Variants in ESYT2 observed in about 807,000 individuals in gnomAD.
ESYT2 encodes the protein extended synaptotagmin-2.
Under a neutral mutation model 107.2 loss-of-function variants are expected in ESYT2, and 54 were observed. The observed-to-expected ratio is 0.50, with a 90% CI of 0.40 to 0.63. The LOEUF (loss-of-function observed/expected upper bound fraction) is 0.63. Among genes scored for constraint, ESYT2 ranks in the 30% least tolerant of loss-of-function variants. ESYT2 has a pLI of 0.00. For synonymous variants in ESYT2, 491 were observed against 434.1 expected (o/e 1.13, Z -1.63); for missense variants, 1,020 against 1,094.5 (o/e 0.93, Z 0.96).
intron 16 of ESYT2, among the ~76,000 whole-genome samples, chr7:158,747,704 C>T (rs1460350972): frequency 6.6e-6 from 1 of 152,088 alleles, no homozygotes; most frequent in Non-Finnish European, 1.5e-5. Context: ...GCATTTTACC[C>T]AACAGAATGA....
intron 5 of ESYT2, 44 bp from the exon 6 acceptor site, chr7:158,788,137 T>A: frequency 1.3e-6 from 2 of 1,521,310 alleles, no homozygotes. Context: ...GAAAACATTC[T>A]GCAGGGCCGC....
intron 10 of ESYT2, 88 bp downstream of exon 10, chr7:158,762,995 C>T: frequency 2.3e-6 from 2 of 859,282 alleles, no homozygotes; most frequent in Non-Finnish European, 3.6e-6. Context: ...AACAAGTATA[C>T]AAATGTATTT....
intron 3 of ESYT2, among the ~76,000 whole-genome samples, chr7:158,797,565 G>A (rs1454622840): frequency 6.6e-6 from 1 of 152,084 alleles, no homozygotes; most frequent in Non-Finnish European, 1.5e-5. Flanking sequence ...AAAAGAAAAT[G>A]TGTTTTTCGG....
At chr7:158,766,750 G>C (rs1838177231) in intron 8 of ESYT2, among the ~76,000 whole-genome samples, 1 of 152,178 alleles carries the variant, frequency 6.6e-6, no homozygotes, top group African/African-American at 2.4e-5. Flanking sequence ...TCCTGTTTCA[G>C]TAAATATAAA....
chr7:158,802,082 T>G (rs758385289), intron 1 of ESYT2, among the ~76,000 whole-genome samples: 1 of 152,160 alleles, frequency 6.6e-6, no homozygotes, highest in Non-Finnish European at 1.5e-5. Flanking sequence ...AGGATGGAAT[T>G]GACATAACTG....
intron 1 of ESYT2, among the ~76,000 whole-genome samples, chr7:158,828,581 G>A (rs1376321010): frequency 6.6e-6 from 1 of 152,166 alleles, no homozygotes; most frequent in Non-Finnish European, 1.5e-5. Flanking sequence ...GCGAGGGGAG[G>A]CTTCACGAGG....
At chr7:158,826,021 GAA>G (rs34601173) in intron 1 of ESYT2, among the ~76,000 whole-genome samples, 1 of 120,016 alleles carries the variant, frequency 8.3e-6, no homozygotes, top group Non-Finnish European at 1.7e-5. Flanking sequence ...CTCATCTCTA[GAA>G]AAAAAAAAAA....
Position 158,777,418 on chromosome 7 carries a change from G to C in ESYT2, c.748-4022C>G, listed in dbSNP as rs117082702. ...TGTCGAACTGTAATCTCCATGTGTT[G>C]AGGGAGGGACCTGGTAGGAGGTGAT... On this transcript the variant is annotated intron_variant, in intron 6 of 22. Coordinates refer to ENST00000275418, the MANE Select transcript of ESYT2 (RefSeq NM_001367773.1). 1.6e-4 allele frequency among the ~76,000 whole-genome samples: 25 copies of C among 152,312 alleles called. No individual in the cohort carries two copies. In the East Asian group the frequency reaches 4.6e-3, roughly 28 times the overall value.
intron 6 of ESYT2, among the ~76,000 whole-genome samples, chr7:158,783,530 A>C (rs1269035897): frequency 1.3e-5 from 2 of 152,140 alleles, no homozygotes; most frequent in African/African-American, 2.4e-5. Context: ...AAGTCCCAGG[A>C]CTTCTGAGAG....
chr7:158,780,904 AAG>A (rs1360156320), intron 6 of ESYT2, among the ~76,000 whole-genome samples: 1 of 152,200 alleles, frequency 6.6e-6, no homozygotes, highest in Admixed American at 6.5e-5. Flanking sequence ...AGCAAGTGGA[AAG>A]AGAGAAAGGA....
intron 1 of ESYT2, among the ~76,000 whole-genome samples, chr7:158,801,395 A>G (rs1045855008): frequency 8.5e-5 from 13 of 152,246 alleles, no homozygotes; most frequent in Non-Finnish European, 1.6e-4. Flanking sequence ...AAAGAAAAAG[A>G]GAAAGAGAAT....
At chr7:158,796,879 C>T (rs565558107) in intron 3 of ESYT2, among the ~76,000 whole-genome samples, 5 of 150,352 alleles carry the variant, frequency 3.3e-5, no homozygotes, top group East Asian at 2.0e-4. Flanking sequence ...GCACTGCAGG[C>T]GAGTGGGCAG....
At chr7:158,777,648 CCCT>C (rs925673741) in intron 6 of ESYT2, among the ~76,000 whole-genome samples, 1 of 151,916 alleles carries the variant, frequency 6.6e-6, no homozygotes, top group Admixed American at 6.6e-5. Context: ...AGTCAATTAA[CCCT>C]CCTTTCTTTA....
chr7:158,743,347 TC>T (rs1360759783), intron 17 of ESYT2, among the ~76,000 whole-genome samples, 181 bp downstream of exon 17: 5 of 152,080 alleles, frequency 3.3e-5, no homozygotes, highest in Non-Finnish European at 7.4e-5. Context: ...CTTTGTCTTC[TC>T]CCCGGAACCC....
chr7:158,755,440 CAG>C (rs1837720788), intron 13 of ESYT2, among the ~76,000 whole-genome samples: 1 of 152,124 alleles, frequency 6.6e-6, no homozygotes, highest in Non-Finnish European at 1.5e-5. Context: ...GATACAAGGT[CAG>C]AGACACTTCC....
intron 1 of ESYT2, among the ~76,000 whole-genome samples, chr7:158,823,354 T>G (rs1351445387): frequency 7.1e-6 from 1 of 140,184 alleles, no homozygotes; most frequent in African/African-American, 2.7e-5. Context: ...AGAGACGGAC[T>G]GTGGCTCTGT....
intron 1 of ESYT2, among the ~76,000 whole-genome samples, chr7:158,811,191 A>G (rs1389540444): frequency 1.3e-5 from 2 of 152,168 alleles, no homozygotes; most frequent in Non-Finnish European, 2.9e-5. Context: ...AAAATTAAGA[A>G]AAAAGAAATG....
chr7:158,780,688 T>A (rs1042543924), intron 6 of ESYT2, among the ~76,000 whole-genome samples: 1 of 152,246 alleles, frequency 6.6e-6, no homozygotes, highest in Non-Finnish European at 1.5e-5. Flanking sequence ...TAAGTGCTAC[T>A]GAAGTTCAGA....
At chr7:158,806,133 T>TGGGAGGG (rs1584873959) in intron 1 of ESYT2, among the ~76,000 whole-genome samples, 1 of 36,324 alleles carries the variant, frequency 2.8e-5, no homozygotes, top group Non-Finnish European at 1.0e-4. Context: ...GCGTGGGAGG[T>TGGGAGGG]GCCGGGGCAC....
Sources: gnomAD v4.1 joint callset for allele counts (sites outside exome capture counted in the v4.1 genomes callset) on GRCh38, gnomAD v4.1.1 for gene constraint, MANE v1.5 for transcripts, NCBI Gene and HGNC (gene_info 2026-07-23, HGNC 2026-07-21) for gene names.